Variants in CAPN13 observed in about 807,000 individuals in gnomAD.
CAPN13 encodes the protein calpain 13, also known as calpain-13.
A neutral mutation model predicts 98.4 loss-of-function variants in CAPN13; 90 were observed. The observed-to-expected ratio is 0.92, with a 90% CI of 0.77 to 1.09. The LOEUF (loss-of-function observed/expected upper bound fraction) is 1.09, where lower values mean the gene tolerates loss of function less well. CAPN13 is among the 50% of genes least tolerant of loss of function. The pLI, the probability that CAPN13 is intolerant of heterozygous loss-of-function variation, is 0.00. For synonymous variants in CAPN13, 330 were observed against 305.5 expected, an observed-to-expected ratio of 1.08 and a Z score of -0.84; for missense variants, 887 against 841.3, an observed-to-expected ratio of 1.05 and a Z score of -0.67.
chr2:30,759,500 A>G (rs1351508894), intron 7 of CAPN13, among the ~76,000 whole-genome samples: 2 of 152,208 alleles, frequency 1.3e-5, no homozygotes, highest in African/African-American at 4.8e-5. Flanking sequence ...CTGAGGAGAC[A>G]GAGGCCCAGA....
Position 30,763,116 on chromosome 2 carries a change from C to G in CAPN13, c.740G>C (p.Ser247Thr). ...TAQAMENGLVSLHAYTVTGAE... is the reference protein window; with the variant it reads ...TAQAMENGLVTLHAYTVTGAE... Reference sequence around the variant, plus strand: ...CCCAGTCACAGTGTAGGCATGGAGACTCACCAGCCCATTCTCCATCGCCTG... The same window carrying G: ...CCCAGTCACAGTGTAGGCATGGAGAGTCACCAGCCCATTCTCCATCGCCTG... Residue 247 changes from serine to threonine, a missense_variant, in exon 7 of 23, where the codon AGT becomes ACT. Ser to Thr is a moderately conservative substitution (Grantham distance 58). Transcript: ENST00000295055. 6 of 1,611,536 alleles carry G rather than the reference C, an allele frequency of 3.7e-6. No homozygotes were observed. Among genetic ancestry groups the G allele is most frequent in the Non-Finnish European group, 5.1e-6 (6 of 1,178,978 alleles).
rs187851157 is a variant in CAPN13, at chr2:30,767,090, G to A, written c.525-2784C>T. On this transcript the variant is annotated intron_variant, in intron 5 of 22. Coordinates refer to ENST00000295055, the MANE Select transcript of CAPN13 (RefSeq NM_144575.3). Reference sequence around the variant, plus strand: ...AGCGTCAGGGATGGTGGGAAGGCATGGGAAATAGCGACTAGGGAAAATCGT... The same window carrying A: ...AGCGTCAGGGATGGTGGGAAGGCATAGGAAATAGCGACTAGGGAAAATCGT... Among the ~76,000 whole-genome samples the A allele has an allele frequency of 4.6e-5, 7 of 152,324 alleles. No individual in the cohort carries two copies. In the East Asian group the frequency reaches 1.2e-3, roughly 25 times the overall value.
At chr2:30,801,013 A>T (rs1362969882) in intron 1 of CAPN13, among the ~76,000 whole-genome samples, 1 of 152,156 alleles carries the variant, frequency 6.6e-6, no homozygotes, top group East Asian at 1.9e-4. Flanking sequence ...AGCTAATTCA[A>T]ATTTTTTCTG....
At chr2:30,725,416 G>T (rs1274724071) in intron 22 of CAPN13, among the ~76,000 whole-genome samples, 1 of 152,198 alleles carries the variant, frequency 6.6e-6, no homozygotes, top group Non-Finnish European at 1.5e-5. Flanking sequence ...CAGATGGGTT[G>T]AAGATGAGCC....
chr2:30,752,317 G>A (rs758119499), intron 10 of CAPN13, among the ~76,000 whole-genome samples: 7 of 152,156 alleles, frequency 4.6e-5, no homozygotes, highest in Admixed American at 4.6e-4. Context: ...CATTGTTTAC[G>A]CAGCCTCTTT....
In CAPN13 at chr2:30,788,049, T is replaced by C. The variant is rs577401114; in HGVS notation, c.-32-692A>G. On this transcript the variant is annotated intron_variant, in intron 1 of 22. Coordinates refer to ENST00000295055, the MANE Select transcript of CAPN13 (RefSeq NM_144575.3). ...GGAAGATGGTGGAGTGTGGACAGAT[T>C]TGGTGTAACTTTATAGGTGGAGAAT... Among the ~76,000 whole-genome samples, 361 of 152,028 alleles carry C rather than the reference T, an allele frequency of 2.4e-3. 3 individuals are homozygous for C. Among genetic ancestry groups the C allele is most frequent in the African/African-American group, 8.0e-3 (330 of 41,442 alleles).
intron 1 of CAPN13, among the ~76,000 whole-genome samples, chr2:30,798,485 C>T (rs1675005965): frequency 6.6e-6 from 1 of 152,202 alleles, no homozygotes; most frequent in South Asian, 2.1e-4. Flanking sequence ...GATGAAACCA[C>T]CTCCCTGCCC....
At chr2:30,765,501 T>C (rs1176354180) in intron 5 of CAPN13, among the ~76,000 whole-genome samples, 3 of 152,192 alleles carry the variant, frequency 2.0e-5, no homozygotes, top group African/African-American at 7.2e-5. Flanking sequence ...AAATCACACA[T>C]GATCAGGACC....
At chr2:30,741,558 T>A (rs962087068) in intron 15 of CAPN13, 1 of 1,071,634 alleles carries the variant, frequency 9.3e-7, no homozygotes. Context: ...CGATGCCAGG[T>A]TGGTGGGAGG....
At chr2:30,775,860 TAA>T (rs1389260525) in intron 4 of CAPN13, 68 bp downstream of exon 4, 34 of 1,126,744 alleles carry the variant, frequency 3.0e-5, no homozygotes, top group Non-Finnish European at 4.0e-5. Context: ...CGAGAAAACT[TAA>T]GACTTTCACC....
intron 1 of CAPN13, among the ~76,000 whole-genome samples, chr2:30,800,116 A>AAAGAAAGAAGAAAGAAAGAAAG (rs1444108248): frequency 1.2e-5 from 1 of 85,596 alleles, no homozygotes; most frequent in African/African-American, 4.5e-5. Flanking sequence ...GAAAAGAAAG[A>AAAGAAAGAAGAAAGAAAGAAAG]AAAGAAAGAA....
In CAPN13 at chr2:30,787,108, C is replaced by T. The variant is rs772862921; in HGVS notation, c.198+20G>A. The T allele has an allele frequency of 3.3e-6, 5 of 1,537,808 alleles. No individual in the cohort carries two copies. Among genetic ancestry groups the T allele is most frequent in the Non-Finnish European group, 4.4e-6 (5 of 1,140,730 alleles). ...TCCGAGGACCCTGGAGCTGGGTATGCTCGTGTGGGGCTCACTCACCTGTGG... is the reference window on the plus strand; with the variant it reads ...TCCGAGGACCCTGGAGCTGGGTATGTTCGTGTGGGGCTCACTCACCTGTGG... On this transcript the variant is annotated intron_variant, in intron 2 of 22. Coordinates refer to ENST00000295055, the MANE Select transcript of CAPN13 (RefSeq NM_144575.3).
chr2:30,806,835 T>C (rs1421729863), intron 1 of CAPN13, among the ~76,000 whole-genome samples: 17 of 152,194 alleles, frequency 1.1e-4, no homozygotes, highest in Admixed American at 1.1e-3. Flanking sequence ...ACTAATAAGC[T>C]AGATGATTAG....
At chr2:30,787,479 A>G (rs1674354339) in intron 1 of CAPN13, 122 bp from the exon 2 acceptor site, 2 of 683,636 alleles carry the variant, frequency 2.9e-6, no homozygotes, top group Admixed American at 3.1e-5. Flanking sequence ...CTAAGTCTGC[A>G]CTGTCCCTGG....
At chr2:30,786,142 T>C (rs1176493502) in intron 2 of CAPN13, among the ~76,000 whole-genome samples, 1 of 152,216 alleles carries the variant, frequency 6.6e-6, no homozygotes, top group Non-Finnish European at 1.5e-5. Context: ...CATAGCCTCT[T>C]AGTAGTCACC....
chr2:30,806,180 C>G (rs1327129830), intron 1 of CAPN13: 1 of 152,166 alleles, frequency 6.6e-6, no homozygotes, highest in Non-Finnish European at 1.5e-5. Flanking sequence ...AGGGTACCTA[C>G]CAGGCACAGC....
chr2:30,734,316 G>C (rs1671246292), intron 19 of CAPN13, 133 bp downstream of exon 19: 1 of 685,156 alleles, frequency 1.5e-6, no homozygotes. Context: ...TGTGAACTGG[G>C]GAGGACACGA....
intron 2 of CAPN13, among the ~76,000 whole-genome samples, chr2:30,783,157 T>A (rs1208016092): frequency 6.6e-6 from 1 of 152,336 alleles, no homozygotes; most frequent in Middle Eastern, 3.4e-3. Context: ...CTCGTGTGCA[T>A]GCTTGATAAA....
intron 17 of CAPN13, 35 bp from the exon 18 acceptor site, chr2:30,736,606 G>C: frequency 6.2e-7 from 1 of 1,603,940 alleles, no homozygotes; most frequent in Non-Finnish European, 8.5e-7. Flanking sequence ...CAGCCAGCGT[G>C]CAAGGTGCAG....
Sources: gnomAD v4.1 joint callset for allele counts (sites outside exome capture counted in the v4.1 genomes callset) on GRCh38, gnomAD v4.1.1 for gene constraint, MANE v1.5 for transcripts, NCBI Gene and HGNC (gene_info 2026-07-23, HGNC 2026-07-21) for gene names.